Variants in BAIAP2L1 observed in about 807,000 individuals in gnomAD.
BAIAP2L1 encodes BAR/IMD domain-containing adapter protein 2-like 1.
Under a neutral mutation model 66.3 loss-of-function variants are expected in BAIAP2L1, and 35 were observed. The observed-to-expected ratio is 0.53, with a 90% CI of 0.40 to 0.70. The LOEUF is 0.70. Among genes scored for constraint, BAIAP2L1 ranks in the 30% least tolerant of loss-of-function variants. The pLI is 0.00. For synonymous variants in BAIAP2L1, 269 were observed against 248.7 expected, an observed-to-expected ratio of 1.08 and a Z score of -0.77; for missense variants, 622 against 656.9, an observed-to-expected ratio of 0.95 and a Z score of 0.58.
At chr7:98,338,199 G>A (rs549737883) in intron 3 of BAIAP2L1, among the ~76,000 whole-genome samples, 61 of 152,184 alleles carry the variant, frequency 4.0e-4, no homozygotes, top group African/African-American at 1.2e-3. Context: ...TTGGGAGGCC[G>A]AGGCGGGTGG....
chr7:98,383,520 C>T (rs1351057524), intron 1 of BAIAP2L1, among the ~76,000 whole-genome samples: 1 of 151,942 alleles, frequency 6.6e-6, no homozygotes, highest in East Asian at 2.0e-4. Flanking sequence ...CTCCAGACCT[C>T]AGGTGATCCA....
chr7:98,363,528 T>C (rs965071943), intron 1 of BAIAP2L1, among the ~76,000 whole-genome samples: 1 of 152,134 alleles, frequency 6.6e-6, no homozygotes, highest in Non-Finnish European at 1.5e-5. Flanking sequence ...TAAAGACAAA[T>C]GCTAGGACAA....
In BAIAP2L1 at chr7:98,386,138, G is replaced by A. The variant is rs535590301; in HGVS notation, c.51+14664C>T. ...TGGTGCTGAGCATAAGAGGTCTTCC[G>A]TATCTGATTGTTGCGTTTTTTAGTA... On this transcript the variant is annotated intron_variant, in intron 1 of 13. Coordinates refer to ENST00000005260, the MANE Select transcript of BAIAP2L1 (RefSeq NM_018842.5). 2.6e-5 allele frequency: 42 copies of A among 1,591,960 alleles called. 1 individual carries two copies. The African/African-American group carries it at 3.7e-4, about 14-fold the overall frequency.
intron 1 of BAIAP2L1, among the ~76,000 whole-genome samples, chr7:98,371,984 G>A (rs548035248): frequency 9.2e-5 from 14 of 151,942 alleles, no homozygotes; most frequent in East Asian, 3.9e-4. Flanking sequence ...TTAGAGAGAC[G>A]GGGTTTCACC....
intron 3 of BAIAP2L1, among the ~76,000 whole-genome samples, chr7:98,343,248 TACACACACACACACAC>T (rs57033582): frequency 1.2e-4 from 15 of 128,592 alleles, no homozygotes; most frequent in East Asian, 9.3e-4. Context: ...AAAAAAAAAA[TACACACACACACACAC>T]ACACACACAC....
chr7:98,395,634 TA>T (rs879425390), intron 1 of BAIAP2L1, among the ~76,000 whole-genome samples: 1 of 152,168 alleles, frequency 6.6e-6, no homozygotes, highest in Non-Finnish European at 1.5e-5. Flanking sequence ...TGCTATTCAA[TA>T]AAAAGTTTTA....
intron 12 of BAIAP2L1, among the ~76,000 whole-genome samples, chr7:98,296,650 CAAAACA>C (rs1800205063): frequency 6.6e-6 from 1 of 152,098 alleles, no homozygotes; most frequent in Non-Finnish European, 1.5e-5. Flanking sequence ...AAAAAACCAA[CAAAACA>C]AAAACAGAAA....
intron 12 of BAIAP2L1, among the ~76,000 whole-genome samples, chr7:98,299,624 A>G (rs1800337679): frequency 6.9e-6 from 1 of 144,068 alleles, no homozygotes; most frequent in Non-Finnish European, 1.5e-5. Flanking sequence ...TCCAAGTAGC[A>G]GGGATCACAG....
chr7:98,315,382 CACGGCCCAGCCTTCT>C (rs1477429171), intron 7 of BAIAP2L1, 63 bp downstream of exon 7: 2 of 1,284,100 alleles, frequency 1.6e-6, no homozygotes, highest in Non-Finnish European at 2.0e-6. Context: ...AGGCGTGGGC[CACGGCCCAGCCTTCT>C]GGGGCATTTA....
chr7:98,304,306 C>T lies in BAIAP2L1; in HGVS notation c.1312G>A (p.Asp438Asn), dbSNP rs1800547427. Residue 438 changes from aspartate to asparagine, a missense_variant, in exon 12 of 14, where the codon GAC becomes AAC. Transcript: ENST00000005260. Reference protein sequence around the residue: ...ENSSVVIPPPDYLECLSMGAA... With the variant: ...ENSSVVIPPPNYLECLSMGAA... ...CCCATGGACAAGCATTCCAAGTAGT[C>T]GGGTGGGGGGATGACAACACTGCTA... is the stretch of plus-strand genomic sequence containing the variant. 3.1e-6 allele frequency: 5 copies of T among 1,613,478 alleles called. No homozygotes were observed. The highest frequency in any genetic ancestry group is 1.7e-4 in the Middle Eastern group (1 of 6,058).
rs1392580306 is a variant in BAIAP2L1 at position 98,307,043 on chromosome 7, A to G, written c.1164-527T>C. 3 of 159,954 alleles carry G rather than the reference A, an allele frequency of 1.9e-5. No homozygotes were observed. The East Asian group carries it at 5.5e-4, about 29-fold the overall frequency. The allele number at this position is 159,954 out of a possible 1,614,324, so 9.9% of individuals were successfully genotyped here. ...GCTGAAATTAAGAGGATTGCATTCA[A>G]ACTACCTACGTGCTAAACCTTAACA... On this transcript the variant is annotated intron_variant, in intron 10 of 13. Transcript: ENST00000005260.
At chr7:98,319,997 C>G in intron 5 of BAIAP2L1, 61 bp downstream of exon 5, 2 of 1,378,322 alleles carry the variant, frequency 1.5e-6, no homozygotes, top group East Asian at 4.6e-5. Context: ...GGAACGAGTT[C>G]TCCCCAGGCT....
chr7:98,354,894 C>A (rs1414135815), intron 3 of BAIAP2L1, 148 bp downstream of exon 3: 5 of 644,658 alleles, frequency 7.8e-6, no homozygotes, highest in Non-Finnish European at 8.5e-6. Flanking sequence ...TACGACTAAG[C>A]ATCAATTTCC....
In BAIAP2L1 at chr7:98,319,932, T is replaced by A. The variant is rs1801197219; in HGVS notation, c.348+126A>T. 11 of 774,952 alleles carry A rather than the reference T, an allele frequency of 1.4e-5. No homozygotes were observed. The South Asian group carries it at 1.9e-4, about 13-fold the overall frequency. The allele number at this position is 774,952 out of a possible 1,614,324, so 48.0% of individuals were successfully genotyped here. On this transcript the variant is annotated intron_variant, in intron 5 of 13. Transcript: ENST00000005260. ...AGAGAGCTTGTCGGTTTCATGCATC[T>A]GGGCATCATCAACACGGAGCTTCTC...
rs550275872 is a variant in BAIAP2L1 at position 98,293,367 on chromosome 7, G to A, written c.*154C>T. On this transcript the variant is annotated 3_prime_UTR_variant, in exon 14 of 14. Coordinates refer to ENST00000005260, the MANE Select transcript of BAIAP2L1 (RefSeq NM_018842.5). ...GGCAGAAACTTGTCAACCCAACTAC[G>A]TGAAACAGAGAAGCATGATTTGCTT... is the stretch of plus-strand genomic sequence containing the variant. The A allele has an allele frequency of 4.4e-6, 3 of 680,222 alleles. No individual in the cohort carries two copies. The highest frequency in any genetic ancestry group is 1.8e-5 in the African/African-American group (1 of 56,742). 42.1% of individuals were successfully genotyped at this position (680,222 alleles called of 1,614,324 possible). A position where few individuals can be genotyped will look rare whatever the true frequency, so the allele number is the denominator to read the frequency against.
intron 1 of BAIAP2L1, among the ~76,000 whole-genome samples, chr7:98,375,506 T>C (rs1438234005): frequency 6.6e-6 from 1 of 151,648 alleles, no homozygotes; most frequent in Non-Finnish European, 1.5e-5. Context: ...TCCCAGCACT[T>C]TGGGAGGCCG....
intron 3 of BAIAP2L1, among the ~76,000 whole-genome samples, chr7:98,337,421 G>A (rs1005505381): frequency 4.6e-5 from 7 of 152,084 alleles, no homozygotes; most frequent in African/African-American, 1.7e-4. Context: ...TAGTAGAGAC[G>A]GGGCTTTGCC....
chr7:98,371,501 T>C (rs1802510162), intron 1 of BAIAP2L1, among the ~76,000 whole-genome samples: 1 of 152,198 alleles, frequency 6.6e-6, no homozygotes, highest in South Asian at 2.1e-4. Context: ...GCACACACTA[T>C]TCACCAGATT....
chr7:98,340,992 A>G (rs1415369304), intron 3 of BAIAP2L1, among the ~76,000 whole-genome samples: 2 of 101,732 alleles, frequency 2.0e-5, no homozygotes, highest in Non-Finnish European at 4.1e-5. Context: ...TACAGGTTTT[A>G]TAAATTATAA....
Sources: gnomAD v4.1 joint callset for allele counts (sites outside exome capture counted in the v4.1 genomes callset) on GRCh38, gnomAD v4.1.1 for gene constraint, MANE v1.5 for transcripts, NCBI Gene and HGNC (gene_info 2026-07-23, HGNC 2026-07-21) for gene names.